CSMD1: variants seen among roughly 807,000 people sequenced by gnomAD.
CSMD1 encodes the protein CUB and Sushi multiple domains 1.
In CSMD1, 213 loss-of-function variants were observed where a neutral mutation model predicts 417.5. The observed-to-expected ratio is 0.51, with a 90% confidence interval of 0.46 to 0.57. The LOEUF (loss-of-function observed/expected upper bound fraction) is 0.57. Ranked by LOEUF, CSMD1 falls within the 20% of genes least tolerant of loss-of-function variation. CSMD1 has a pLI of 0.00. For missense variants in CSMD1, 6,923 were observed against 4,529.7 expected, an observed-to-expected ratio of 1.53 and a Z score of -15.17; for synonymous variants, 2,862 against 1,736.8, an observed-to-expected ratio of 1.65 and a Z score of -16.11.
At chr8:3,808,225 A>T (rs572514594) in intron 5 of CSMD1, among the ~76,000 whole-genome samples, 6 of 152,312 alleles carry the variant, frequency 3.9e-5, no homozygotes, top group Non-Finnish European at 7.4e-5. Context: ...ATATACTAAG[A>T]GATATACTAC....
chr8:3,556,592 T>C (rs1799165227), intron 10 of CSMD1, among the ~76,000 whole-genome samples: 1 of 151,408 alleles, frequency 6.6e-6, no homozygotes. Context: ...AATATCACTC[T>C]ATCATTGCCT....
At chr8:3,976,149 A>C (rs1038247990) in intron 5 of CSMD1, among the ~76,000 whole-genome samples, 5 of 152,116 alleles carry the variant, frequency 3.3e-5, no homozygotes, top group African/African-American at 4.8e-5. Context: ...CTACACCAAG[A>C]ATGCATAACC....
At chr8:4,263,817 T>A (rs1036286412) in intron 3 of CSMD1, among the ~76,000 whole-genome samples, 2 of 152,170 alleles carry the variant, frequency 1.3e-5, no homozygotes, top group Admixed American at 6.6e-5. Flanking sequence ...TTATACATAT[T>A]TTCTAAACCA....
intron 1 of CSMD1, among the ~76,000 whole-genome samples, chr8:4,659,885 T>C (rs1248345126): frequency 1.3e-5 from 2 of 151,944 alleles, no homozygotes; most frequent in South Asian, 2.1e-4. Flanking sequence ...AAAAATCATG[T>C]CCATCAGGGA....
intron 17 of CSMD1, 77 bp downstream of exon 17, chr8:3,396,117 C>G: frequency 7.8e-7 from 1 of 1,281,326 alleles, no homozygotes; most frequent in South Asian, 1.3e-5. Context: ...CATCTGCAGG[C>G]TGGAAATAAG....
intron 7 of CSMD1, among the ~76,000 whole-genome samples, chr8:3,690,906 C>T (rs10087046): frequency 0.31 from 46,901 of 152,070 alleles, 7,868 homozygotes; most frequent in South Asian, 0.41. Flanking sequence ...TAAATAACAA[C>T]AAATAAATTG....
chr8:4,010,603 C>G (rs1366497190), intron 4 of CSMD1, among the ~76,000 whole-genome samples: 1 of 152,046 alleles, frequency 6.6e-6, no homozygotes, highest in Non-Finnish European at 1.5e-5. Context: ...ATTCTGAGCC[C>G]AACTCTCCAT....
At chr8:3,934,196 T>A (rs1299052708) in intron 5 of CSMD1, among the ~76,000 whole-genome samples, 1 of 152,232 alleles carries the variant, frequency 6.6e-6, no homozygotes, top group Non-Finnish European at 1.5e-5. Flanking sequence ...ACCATGATCT[T>A]AATTTCATTA....
intron 1 of CSMD1, among the ~76,000 whole-genome samples, chr8:4,676,624 C>A (rs1171986675): frequency 6.6e-6 from 1 of 152,116 alleles, no homozygotes; most frequent in Admixed American, 6.6e-5. Context: ...TCCTTTCGCA[C>A]CTGCAGCAAT....
At chr8:3,639,187 G>A (rs114859465) in intron 7 of CSMD1, among the ~76,000 whole-genome samples, 1 of 152,202 alleles carries the variant, frequency 6.6e-6, no homozygotes, top group Non-Finnish European at 1.5e-5. Context: ...GACAGAGTAA[G>A]TCAGAAAGTA....
intron 3 of CSMD1, among the ~76,000 whole-genome samples, chr8:4,233,304 A>G (rs936556618): frequency 2.7e-4 from 41 of 152,118 alleles, no homozygotes; most frequent in African/African-American, 8.2e-4. Flanking sequence ...CCACATCTCA[A>G]ATTTGAATGT....
At chr8:3,856,626 C>T (rs760806984) in intron 5 of CSMD1, among the ~76,000 whole-genome samples, 1 of 152,170 alleles carries the variant, frequency 6.6e-6, no homozygotes, top group Non-Finnish European at 1.5e-5. Context: ...TATGGTGCCC[C>T]TCCCTGCAGC....
rs1378316708 is a variant in CSMD1 at position 3,110,196 on chromosome 8, C to G, written c.6570G>C (p.Leu2190=). The G allele has an allele frequency of 6.2e-7, 1 of 1,612,752 alleles. No individual in the cohort carries two copies. ...AATCGTTGACAGCTTCCGTCTGTAA[C>G]AGGGTGAAGTTGATGTAAACTCCGT... ...PGHGVYINFT[L]LQTEAVNDYI... is the part of the protein sequence containing the mutation. Residue 2190 remains leucine, a synonymous_variant, in exon 43 of 70, where the codon CTG becomes CTC. Coordinates refer to ENST00000635120, the MANE Select transcript of CSMD1 (RefSeq NM_033225.6).
chr8:4,660,760 A>G (rs1324223317), intron 1 of CSMD1, among the ~76,000 whole-genome samples: 1 of 152,090 alleles, frequency 6.6e-6, no homozygotes, highest in African/African-American at 2.4e-5. Context: ...TCTATAAAGA[A>G]CTCTCAAAAC....
At chr8:4,540,451 C>T (rs1462285714) in intron 2 of CSMD1, among the ~76,000 whole-genome samples, 1 of 152,282 alleles carries the variant, frequency 6.6e-6, no homozygotes, top group South Asian at 2.1e-4. Flanking sequence ...GCCTGTAATT[C>T]CAGGACTTAG....
chr8:4,466,643 T>TA (rs1421360009), intron 2 of CSMD1, among the ~76,000 whole-genome samples: 1 of 152,184 alleles, frequency 6.6e-6, no homozygotes, highest in Non-Finnish European at 1.5e-5. Flanking sequence ...ATTTAAATGT[T>TA]TAATTTTTCA....
At chr8:4,342,355 A>G (rs1260856331) in intron 3 of CSMD1, among the ~76,000 whole-genome samples, 1 of 152,130 alleles carries the variant, frequency 6.6e-6, no homozygotes, top group Non-Finnish European at 1.5e-5. Flanking sequence ...AAATATGTGT[A>G]TACATTCTAC....
At chr8:3,379,936 G>C (rs535985195) in intron 18 of CSMD1, among the ~76,000 whole-genome samples, 11 of 152,176 alleles carry the variant, frequency 7.2e-5, no homozygotes, top group African/African-American at 2.4e-4. Context: ...GCAAAAGAAA[G>C]TACCTCAGAG....
intron 3 of CSMD1, among the ~76,000 whole-genome samples, chr8:4,051,753 G>T (rs140349540): frequency 6.6e-6 from 1 of 152,164 alleles, no homozygotes; most frequent in African/African-American, 2.4e-5. Context: ...AAACACCACT[G>T]CTGGTTTTGG....
Sources: allele counts gnomAD v4.1 joint callset (sites outside exome capture counted in the v4.1 genomes callset), GRCh38; gene constraint gnomAD v4.1.1; transcripts MANE v1.5; gene names NCBI Gene and HGNC (gene_info 2026-07-23, HGNC 2026-07-21).